Variants in MCC observed in about 807,000 individuals in gnomAD.
The protein encoded by MCC is MCC regulator of Wnt signaling pathway.
In MCC, 90 loss-of-function variants were observed where a neutral mutation model predicts 116.2. The observed-to-expected ratio is 0.77, with a 90% confidence interval of 0.65 to 0.92. The LOEUF (loss-of-function observed/expected upper bound fraction) is 0.92, where lower values mean the gene tolerates loss of function less well. Ranked by LOEUF, MCC falls within the 40% of genes least tolerant of loss-of-function variation. The probability of loss-of-function intolerance (pLI) is 0.00; values close to 1 mark genes in which losing one functional copy is unlikely to be tolerated. For synonymous variants in MCC, 578 were observed against 510.5 expected (o/e 1.13, Z -1.78); for missense variants, 1,516 against 1,312.2 (o/e 1.16, Z -2.40).
chr5:113,183,146 G>A (rs985618865), intron 3 of MCC, among the ~76,000 whole-genome samples: 2 of 152,154 alleles, frequency 1.3e-5, no homozygotes, highest in African/African-American at 4.8e-5. Flanking sequence ...GGGGGCTCCA[G>A]ATCTCTCAGC....
chr5:113,242,767 G>A (rs1430780302), intron 3 of MCC, among the ~76,000 whole-genome samples: 2 of 152,042 alleles, frequency 1.3e-5, no homozygotes, highest in Non-Finnish European at 2.9e-5. Flanking sequence ...CCCATCTCGG[G>A]TACTTCAGAG....
chr5:113,138,218 C>A (rs1758954467), intron 5 of MCC, among the ~76,000 whole-genome samples: 7 of 152,036 alleles, frequency 4.6e-5, no homozygotes, highest in Admixed American at 3.9e-4. Context: ...GGTGTGTTGG[C>A]TAGGCTGATC....
chr5:113,063,056 G>C (rs1753333336), intron 14 of MCC, among the ~76,000 whole-genome samples: 1 of 152,170 alleles, frequency 6.6e-6, no homozygotes. Flanking sequence ...TTCCCATCCA[G>C]GTTTCCCTCT....
chr5:113,185,952 T>G (rs569254469), intron 3 of MCC, among the ~76,000 whole-genome samples: 1 of 152,206 alleles, frequency 6.6e-6, no homozygotes, highest in East Asian at 1.9e-4. Context: ...CAATTAAGTG[T>G]ATATTCAGAT....
chr5:113,097,562 C>T (rs1756102248), intron 8 of MCC, among the ~76,000 whole-genome samples: 1 of 152,088 alleles, frequency 6.6e-6, no homozygotes, highest in Non-Finnish European at 1.5e-5. Context: ...TACTATTTTG[C>T]AGTCTGCATT....
At chr5:113,253,740 T>C (rs577337075) in intron 3 of MCC, among the ~76,000 whole-genome samples, 118 of 152,108 alleles carry the variant, frequency 7.8e-4, no homozygotes, top group African/African-American at 2.7e-3. Context: ...TCATAACTCA[T>C]GGAGCTAAAG....
chr5:113,324,648 T>G (rs536826551), intron 3 of MCC, among the ~76,000 whole-genome samples: 4 of 152,184 alleles, frequency 2.6e-5, no homozygotes, highest in Non-Finnish European at 5.9e-5. Flanking sequence ...ATGGCATGAA[T>G]AACACTACCT....
At chr5:113,136,718 G>A (rs957958445) in intron 5 of MCC, among the ~76,000 whole-genome samples, 2 of 152,148 alleles carry the variant, frequency 1.3e-5, no homozygotes, top group African/African-American at 2.4e-5. Flanking sequence ...TTTACTGAAT[G>A]TATCAGTTCT....
intron 3 of MCC, among the ~76,000 whole-genome samples, chr5:113,301,872 G>A (rs999914838): frequency 6.6e-6 from 1 of 152,178 alleles, no homozygotes; most frequent in Non-Finnish European, 1.5e-5. Context: ...GAGCCAAATC[G>A]TGCAGAATAT....
chr5:113,433,602 A>G, intron 1 of MCC: 1 of 1,172,380 alleles, frequency 8.5e-7, no homozygotes, highest in Admixed American at 2.8e-5. Flanking sequence ...ACCAAGTTCA[A>G]GGGGAGAGAG....
At chr5:113,368,121 G>A (rs1561540378) in intron 2 of MCC, among the ~76,000 whole-genome samples, 1 of 152,150 alleles carries the variant, frequency 6.6e-6, no homozygotes, top group Non-Finnish European at 1.5e-5. Flanking sequence ...TGATTGGTAA[G>A]GGATTCTAGG....
chr5:113,487,191 GCTTT>G (rs1003705547), intron 1 of MCC, among the ~76,000 whole-genome samples: 1 of 147,654 alleles, frequency 6.8e-6, no homozygotes, highest in African/African-American at 2.5e-5. Context: ...TCCGCACTTT[GCTTT>G]CTTTTTTTTT....
At chr5:113,146,277 C>T (rs1759512919) in intron 4 of MCC, among the ~76,000 whole-genome samples, 1 of 678 alleles carries the variant, frequency 1.5e-3, no homozygotes, top group Admixed American at 0.033. Context: ...TGAAAGAATC[C>T]CAGACTTCTC....
Position 113,197,350 on chromosome 5 carries a change from G to A in MCC, c.628-45928C>T, listed in dbSNP as rs193153572. 1.5e-3 allele frequency among the ~76,000 whole-genome samples: 226 copies of A among 152,204 alleles called. 6 individuals carry two copies. The South Asian group carries it at 0.018, about 12-fold the overall frequency. On this transcript the variant is annotated intron_variant, in intron 3 of 18. Coordinates refer to ENST00000408903, the MANE Select transcript of MCC (RefSeq NM_001085377.2). The stretch of plus-strand genomic sequence containing the variant: ...CTAGGGGAGAGGATAGGTAGGTAGC[G>A]GGGAAAGAAGTGAAGAATGGCTACC...
intron 14 of MCC, among the ~76,000 whole-genome samples, chr5:113,057,700 C>T (rs968468544): frequency 6.6e-6 from 1 of 152,246 alleles, no homozygotes; most frequent in Non-Finnish European, 1.5e-5. Context: ...CTGCCTGCAA[C>T]CTGCTCAGCG....
intron 3 of MCC, among the ~76,000 whole-genome samples, chr5:113,325,808 C>T (rs1234429185): frequency 1.3e-5 from 2 of 152,132 alleles, no homozygotes; most frequent in Admixed American, 6.5e-5. Flanking sequence ...ACAGCCAACA[C>T]TGACATGGTT....
chr5:113,323,107 C>T (rs1561523583), intron 3 of MCC: 1 of 152,340 alleles, frequency 6.6e-6, no homozygotes, highest in Non-Finnish European at 1.5e-5. Flanking sequence ...CAAGCACTAA[C>T]TTGCCTGGTG....
intron 5 of MCC, among the ~76,000 whole-genome samples, chr5:113,138,978 A>G (rs1759016127): frequency 6.6e-6 from 1 of 152,150 alleles, no homozygotes; most frequent in Non-Finnish European, 1.5e-5. Context: ...ATGACAAGTA[A>G]AGTCTCTGTT....
At chr5:113,146,665 T>C (rs1257708725) in intron 4 of MCC, among the ~76,000 whole-genome samples, 1 of 152,208 alleles carries the variant, frequency 6.6e-6, no homozygotes, top group African/African-American at 2.4e-5. Flanking sequence ...TATTCAGTGA[T>C]AATTTACTTA....
Sources: allele counts gnomAD v4.1 joint callset (sites outside exome capture counted in the v4.1 genomes callset), GRCh38; gene constraint gnomAD v4.1.1; transcripts MANE v1.5; gene names NCBI Gene and HGNC (gene_info 2026-07-23, HGNC 2026-07-21).